The following LTBP1 variants were observed in gnomAD, a reference collection of about 807,000 sequenced individuals.
The protein encoded by LTBP1 is latent transforming growth factor beta binding protein 1, also known as latent-transforming growth factor beta-binding protein 1.
LTBP1 carries 129 observed loss-of-function variants against 207.6 expected under a neutral mutation model. That is an observed-to-expected ratio of 0.62 (90% CI 0.54 to 0.72). LTBP1 has a LOEUF of 0.72. LTBP1 is among the 30% of genes least tolerant of loss of function. The pLI is 0.00. For missense variants in LTBP1, 2,281 were observed against 2,217.2 expected, an observed-to-expected ratio of 1.03 and a Z score of -0.58; for synonymous variants, 963 against 833.7, an observed-to-expected ratio of 1.16 and a Z score of -2.67.
In LTBP1 at chr2:33,059,686, A is replaced by G. The variant is rs188218566; in HGVS notation, c.863+38480A>G. On this transcript the variant is annotated intron_variant, in intron 3 of 33. Transcript: ENST00000404816. Reference sequence around the variant, plus strand: ...ATACATACATGTTCAAATACCAAATACATGTCATTTAAGGGAACCATAAGA... The same window carrying G: ...ATACATACATGTTCAAATACCAAATGCATGTCATTTAAGGGAACCATAAGA... Among the ~76,000 whole-genome samples, 743 of 152,344 alleles carry G rather than the reference A, an allele frequency of 4.9e-3. 1 individual carries two copies. Among genetic ancestry groups the G allele is most frequent in the Middle Eastern group, 0.01 (3 of 294 alleles).
At position 33,091,543 on chromosome 2, in the gene LTBP1, T is replaced by C. The variant is rs1009015602; in HGVS notation, c.864-19039T>C. Among the ~76,000 whole-genome samples the C allele has an allele frequency of 3.3e-5, 5 of 152,220 alleles. No individual in the cohort carries two copies. The South Asian group carries it at 8.3e-4, about 25-fold the overall frequency. On this transcript the variant is annotated intron_variant, in intron 3 of 33. Transcript: ENST00000404816. ...TTCTCTGTTCTCTCTTTTATCTTTGTATCCTTGGCACATGGTAGTTAATCA... is the reference window on the plus strand; with the variant it reads ...TTCTCTGTTCTCTCTTTTATCTTTGCATCCTTGGCACATGGTAGTTAATCA...
intron 7 of LTBP1, among the ~76,000 whole-genome samples, chr2:33,216,772 C>T (rs944585937): frequency 6.6e-6 from 1 of 152,174 alleles, no homozygotes; most frequent in Non-Finnish European, 1.5e-5. Context: ...TTTTCTTAGG[C>T]ACTTCCTCAC....
intron 3 of LTBP1, among the ~76,000 whole-genome samples, chr2:33,034,952 C>A (rs1028598): frequency 0.096 from 14,658 of 152,214 alleles, 949 homozygotes; most frequent in Non-Finnish European, 0.14. Flanking sequence ...TATTTTTATA[C>A]CGCAGAATGC....
chr2:33,314,293 T>A (rs2149241649), intron 23 of LTBP1, among the ~76,000 whole-genome samples: 1 of 152,296 alleles, frequency 6.6e-6, no homozygotes, highest in South Asian at 2.1e-4. Flanking sequence ...CTCACCTCTG[T>A]AATTGCGGCA....
chr2:32,973,186 A>G (rs1471043852), intron 2 of LTBP1, among the ~76,000 whole-genome samples: 2 of 151,878 alleles, frequency 1.3e-5, no homozygotes, highest in Non-Finnish European at 2.9e-5. Flanking sequence ...TCAGCTCCTG[A>G]ATGTCTTTGT....
At chr2:33,247,248 C>T (rs933268314) in intron 10 of LTBP1, among the ~76,000 whole-genome samples, 1 of 152,162 alleles carries the variant, frequency 6.6e-6, no homozygotes, top group Non-Finnish European at 1.5e-5. Context: ...AGGGCAAATG[C>T]CTTTTAATTA....
intron 5 of LTBP1, among the ~76,000 whole-genome samples, chr2:33,155,644 C>T (rs528163616): frequency 2.6e-5 from 4 of 152,256 alleles, no homozygotes; most frequent in Admixed American, 6.5e-5. Flanking sequence ...GACAAAACCA[C>T]CCCTGATTGA....
At chr2:33,053,376 G>A (rs1383280903) in intron 3 of LTBP1, among the ~76,000 whole-genome samples, 1 of 152,086 alleles carries the variant, frequency 6.6e-6, no homozygotes, top group African/African-American at 2.4e-5. Context: ...AAAGTCCTAG[G>A]GTTCACCCTT....
intron 16 of LTBP1, 52 bp from the exon 17 acceptor site, chr2:33,274,913 C>G (rs1196228155): frequency 1.3e-6 from 2 of 1,576,360 alleles, no homozygotes; most frequent in Non-Finnish European, 1.7e-6. Flanking sequence ...AACAGGGAAA[C>G]TAAGTTCTTG....
At chr2:33,105,257 C>T (rs1051955431) in intron 3 of LTBP1, among the ~76,000 whole-genome samples, 6 of 152,094 alleles carry the variant, frequency 3.9e-5, no homozygotes, top group African/African-American at 1.4e-4. Context: ...TTTCCAAGTA[C>T]ATGTAAAAGT....
At chr2:33,201,679 AG>A (rs1321648284) in intron 7 of LTBP1, among the ~76,000 whole-genome samples, 1 of 152,206 alleles carries the variant, frequency 6.6e-6, no homozygotes, top group African/African-American at 2.4e-5. Flanking sequence ...TTCAAGATTA[AG>A]GTCTTTATAC....
intron 15 of LTBP1, among the ~76,000 whole-genome samples, chr2:33,271,362 A>C (rs571186622): frequency 6.6e-6 from 1 of 152,210 alleles, no homozygotes; most frequent in South Asian, 2.1e-4. Flanking sequence ...AGAGATGAGT[A>C]TAAAGATAGG....
At chr2:32,976,057 C>T (rs562073245) in intron 2 of LTBP1, among the ~76,000 whole-genome samples, 27 of 152,270 alleles carry the variant, frequency 1.8e-4, no homozygotes, top group African/African-American at 6.5e-4. Flanking sequence ...TTTGAAATTG[C>T]TGTCCTCTGG....
At chr2:33,266,165 G>A (rs944491628) in intron 15 of LTBP1, among the ~76,000 whole-genome samples, 7 of 152,352 alleles carry the variant, frequency 4.6e-5, no homozygotes, top group African/African-American at 1.7e-4. Flanking sequence ...CCAGGGTGGA[G>A]CAAAGTTGTG....
chr2:33,179,797 T>G (rs1292352867), intron 5 of LTBP1, among the ~76,000 whole-genome samples: 2 of 152,134 alleles, frequency 1.3e-5, no homozygotes, highest in Non-Finnish European at 2.9e-5. Context: ...CCCGGTTCTG[T>G]GTCCTGTGAT....
chr2:33,096,145 A>T (rs2079375856), intron 3 of LTBP1, among the ~76,000 whole-genome samples: 1 of 152,234 alleles, frequency 6.6e-6, no homozygotes, highest in African/African-American at 2.4e-5. Flanking sequence ...GTCATAAGAC[A>T]TATTACATAG....
intron 24 of LTBP1, among the ~76,000 whole-genome samples, chr2:33,336,181 A>G (rs1429415707): frequency 6.6e-6 from 1 of 152,220 alleles, no homozygotes; most frequent in African/African-American, 2.4e-5. Flanking sequence ...CCAGTAGGTG[A>G]TGAGTCAAAG....
chr2:33,181,622 T>G (rs2086647439), intron 5 of LTBP1, among the ~76,000 whole-genome samples: 1 of 152,198 alleles, frequency 6.6e-6, no homozygotes, highest in Admixed American at 6.5e-5. Context: ...TGCAATATAG[T>G]GAATTATGGT....
intron 26 of LTBP1, among the ~76,000 whole-genome samples, chr2:33,359,672 AAC>A (rs2094904384): frequency 6.6e-6 from 1 of 152,224 alleles, no homozygotes; most frequent in South Asian, 2.1e-4. Flanking sequence ...ATTAAATAAA[AAC>A]AGTTAATACA....
Sources: allele counts gnomAD v4.1 joint callset (sites outside exome capture counted in the v4.1 genomes callset), GRCh38; gene constraint gnomAD v4.1.1; transcripts MANE v1.5; gene names NCBI Gene and HGNC (gene_info 2026-07-23, HGNC 2026-07-21).